The following MKRN2 variants were observed in gnomAD, a reference collection of about 807,000 sequenced individuals.
MKRN2 encodes the protein makorin ring finger protein 2, also known as E3 ubiquitin-protein ligase makorin-2.
In MKRN2, 32 loss-of-function variants were observed where a neutral mutation model predicts 45.4. The observed-to-expected ratio is 0.70, with a 90% confidence interval of 0.53 to 0.95. The LOEUF (loss-of-function observed/expected upper bound fraction) is 0.95. MKRN2 is among the 40% of genes least tolerant of loss of function. MKRN2 has a pLI of 0.00. For missense variants in MKRN2, 526 were observed against 536.7 expected, an observed-to-expected ratio of 0.98 and a Z score of 0.20; for synonymous variants, 206 against 192.4, an observed-to-expected ratio of 1.07 and a Z score of -0.59.
intron 1 of MKRN2, among the ~76,000 whole-genome samples, chr3:12,565,178 A>C (rs1389547640): frequency 6.6e-6 from 1 of 152,202 alleles, no homozygotes; most frequent in African/African-American, 2.4e-5. Context: ...ATTTATGTTT[A>C]CATTTTTTAA....
chr3:12,560,363 A>T (rs1046267610), intron 1 of MKRN2, among the ~76,000 whole-genome samples: 1 of 151,560 alleles, frequency 6.6e-6, no homozygotes, highest in South Asian at 2.1e-4. Flanking sequence ...TAATCAGTAC[A>T]TTTATTGCAA....
At chr3:12,578,858 A>ATTTTTTTTTT (rs374121518) in intron 6 of MKRN2, among the ~76,000 whole-genome samples, 1 of 125,230 alleles carries the variant, frequency 8.0e-6, no homozygotes, top group Admixed American at 8.8e-5. Context: ...CTAAAGCTTG[A>ATTTTTTTTTT]TTTTTTTTTT....
In MKRN2 at chr3:12,574,997, C is replaced by T. The variant is rs766570091; in HGVS notation, c.848C>T (p.Pro283Leu). The T allele has an allele frequency of 6.2e-7, 1 of 1,613,714 alleles. No individual in the cohort carries two copies. Among genetic ancestry groups the T allele is most frequent in the Non-Finnish European group, 8.5e-7 (1 of 1,179,736 alleles). ...QWRCAKQFENPIIKSCPECRV... is the reference protein window; with the variant it reads ...QWRCAKQFENLIIKSCPECRV... ...CGGTGTGCCAAACAGTTTGAAAACC[C>T]AATCATTAAGTAAGTACAGCCAGGG... The change falls in exon 5 of 8, where the codon CCA becomes CTA. Residue 283 changes from proline to leucine, a missense_variant. Transcript: ENST00000170447.
chr3:12,564,803 A>T (rs2125301420), intron 1 of MKRN2, among the ~76,000 whole-genome samples: 1 of 152,326 alleles, frequency 6.6e-6, no homozygotes, highest in African/African-American at 2.4e-5. Flanking sequence ...ACCCTAGGCA[A>T]CCACTTAATC....
intron 4 of MKRN2, among the ~76,000 whole-genome samples, chr3:12,573,082 A>T (rs183080663): frequency 1.3e-5 from 2 of 152,204 alleles, no homozygotes; most frequent in Admixed American, 1.3e-4. Flanking sequence ...CAGCTAGGTG[A>T]AGTTTTGGAA....
At position 12,582,126 on chromosome 3, in the gene MKRN2, C is replaced by G; in HGVS notation, c.1124C>G (p.Ser375Ter). The G allele has an allele frequency of 6.2e-7, 1 of 1,614,176 alleles. No homozygotes were observed. The change falls in exon 8 of 8, where the codon TCA becomes TGA. Residue 375 changes from serine to a stop codon, truncating the protein, a stop_gained. Coordinates refer to ENST00000170447, the MANE Select transcript of MKRN2 (RefSeq NM_014160.5). LOFTEE classifies it high-confidence loss of function. ...SSQGTVRFFNSVRLWDFIENR... is the reference protein window; with the variant it reads ...SSQGTVRFFN ...TGGCTGTTTTTGCAGTTCTTTAATTCAGTGCGGCTCTGGGATTTCATCGAG... is the reference window on the plus strand; with the variant it reads ...TGGCTGTTTTTGCAGTTCTTTAATTGAGTGCGGCTCTGGGATTTCATCGAG...
intron 2 of MKRN2, among the ~76,000 whole-genome samples, chr3:12,569,713 G>C (rs1427286791): frequency 6.6e-6 from 1 of 152,076 alleles, no homozygotes; most frequent in Non-Finnish European, 1.5e-5. Context: ...GCCCTTGTCA[G>C]CATTTTGGGG....
chr3:12,563,552 C>T (rs1475306316), intron 1 of MKRN2, among the ~76,000 whole-genome samples: 4 of 146,860 alleles, frequency 2.7e-5, no homozygotes, highest in East Asian at 4.1e-4. Context: ...TGCAGTGGCA[C>T]GATCTCGGCT....
chr3:12,580,828 A>C (rs558640922), intron 6 of MKRN2, among the ~76,000 whole-genome samples: 1 of 152,130 alleles, frequency 6.6e-6, no homozygotes, highest in Non-Finnish European at 1.5e-5. Flanking sequence ...CGGCCATCCC[A>C]TCTGACAAGA....
At chr3:12,566,460 C>T (rs559779109) in intron 1 of MKRN2, among the ~76,000 whole-genome samples, 1 of 152,044 alleles carries the variant, frequency 6.6e-6, no homozygotes, top group East Asian at 1.9e-4. Flanking sequence ...TTGTTTCTCT[C>T]TCTCTCTCTC....
chr3:12,571,628 C>A (rs1044488143), intron 3 of MKRN2, among the ~76,000 whole-genome samples: 2 of 152,204 alleles, frequency 1.3e-5, no homozygotes, highest in Non-Finnish European at 2.9e-5. Flanking sequence ...TCAGGACCCA[C>A]AGATTTGCTC....
rs1296924332 is a variant in MKRN2, at chr3:12,576,648, G to A, written c.875G>A (p.Arg292His). The change falls in exon 6 of 8, where the codon CGT (arginine) becomes CAT (histidine). Residue 292 changes from arginine to histidine, a missense_variant. By Grantham distance (29) the Arg-to-His change is conservative. Transcript: ENST00000170447. ...NPIIKSCPEC[R>H]VISEFVIPSV... is the part of the protein sequence containing the mutation. Reference sequence around the variant, plus strand: ...TATTTCAGGTCTTGTCCAGAATGCCGTGTGATATCAGAGTTTGTAATTCCA... The same window carrying A: ...TATTTCAGGTCTTGTCCAGAATGCCATGTGATATCAGAGTTTGTAATTCCA... 6.2e-7 allele frequency: 1 copy of A among 1,603,398 alleles called. No homozygotes were observed. The highest frequency in any genetic ancestry group is 8.5e-7 in the Non-Finnish European group (1 of 1,170,884).
Position 12,582,416 on chromosome 3 carries a change from G to A in MKRN2, c.*163G>A. The A allele has an allele frequency of 1.2e-6, 1 of 830,108 alleles. No homozygotes were observed. The highest frequency in any genetic ancestry group is 1.9e-6 in the Non-Finnish European group (1 of 532,616). The allele number at this position is 830,108 out of a possible 1,614,324, so 51.4% of individuals were successfully genotyped here. On this transcript the variant is annotated 3_prime_UTR_variant, in exon 8 of 8. Coordinates refer to ENST00000170447, the MANE Select transcript of MKRN2 (RefSeq NM_014160.5). ...ATTCAATCTCCATTATTACAGCCATGGGGAAGAGTGAAAGATATAAAGTAA... is the reference window on the plus strand; with the variant it reads ...ATTCAATCTCCATTATTACAGCCATAGGGAAGAGTGAAAGATATAAAGTAA...
chr3:12,561,449 G>T (rs1051424589), intron 1 of MKRN2, among the ~76,000 whole-genome samples: 1 of 152,096 alleles, frequency 6.6e-6, no homozygotes, highest in Non-Finnish European at 1.5e-5. Context: ...CTTCCACCCT[G>T]GTTCTTTCAG....
chr3:12,560,707 G>A (rs934713815), intron 1 of MKRN2: 8 of 152,114 alleles, frequency 5.3e-5, no homozygotes, highest in African/African-American at 1.7e-4. Flanking sequence ...CAGTCTTTTG[G>A]GTTTACCCAG....
chr3:12,580,638 T>C (rs184413369), intron 6 of MKRN2, among the ~76,000 whole-genome samples: 5 of 152,280 alleles, frequency 3.3e-5, no homozygotes, highest in South Asian at 4.2e-4. Context: ...TGTGTATTTT[T>C]AGTAGAGATG....
chr3:12,581,556 C>G (rs928127939), intron 6 of MKRN2, among the ~76,000 whole-genome samples: 5 of 152,294 alleles, frequency 3.3e-5, no homozygotes, highest in African/African-American at 1.2e-4. Context: ...CAGCAAGTCC[C>G]CAGGCAGGTT....
At chr3:12,577,914 T>A (rs1203555210) in intron 6 of MKRN2, among the ~76,000 whole-genome samples, 1 of 152,072 alleles carries the variant, frequency 6.6e-6, no homozygotes, top group Non-Finnish European at 1.5e-5. Context: ...TGACCTCAGG[T>A]GATCCGCCCA....
At chr3:12,581,515 G>A (rs924853838) in intron 6 of MKRN2, among the ~76,000 whole-genome samples, 8 of 152,312 alleles carry the variant, frequency 5.3e-5, no homozygotes, top group Admixed American at 2.0e-4. Context: ...TGGAGCTGCC[G>A]GAGGGCCTGT....
Sources: gnomAD v4.1 joint callset for allele counts (sites outside exome capture counted in the v4.1 genomes callset) on GRCh38, gnomAD v4.1.1 for gene constraint, MANE v1.5 for transcripts, NCBI Gene and HGNC (gene_info 2026-07-23, HGNC 2026-07-21) for gene names.